The following SLC25A26 variants were observed in gnomAD, a reference collection of about 807,000 sequenced individuals.
SLC25A26 encodes the protein solute carrier family 25 member 26.
In SLC25A26, 36 loss-of-function variants were observed where a neutral mutation model predicts 37.8. The ratio of observed to expected loss-of-function variants is 0.95; its 90% CI spans 0.73 to 1.26. The LOEUF is 1.26. Among genes scored for constraint, SLC25A26 ranks in the 50% most tolerant of loss-of-function variants. The pLI is 0.00. For missense variants in SLC25A26, 390 were observed against 331.1 expected (o/e 1.18, Z -1.38); for synonymous variants, 129 against 122.5 (o/e 1.05, Z -0.35).
At chr3:66,261,942 C>G (rs1381932578) in intron 3 of SLC25A26, 109 bp from the exon 4 acceptor site, 3 of 641,850 alleles carry the variant, frequency 4.7e-6, no homozygotes, top group Admixed American at 6.1e-5. Context: ...TGACATCTTG[C>G]AGTAAGCCTA....
At chr3:66,216,214 AT>A (rs1409061130), upstream of SLC25A26, among the ~76,000 whole-genome samples, 2 of 152,138 alleles carry the variant, frequency 1.3e-5, no homozygotes, top group Non-Finnish European at 2.9e-5. Flanking sequence ...ATACTATCGT[AT>A]TTTTCAATAA....
At chr3:66,346,691 C>T (rs367944068) in intron 6 of SLC25A26, among the ~76,000 whole-genome samples, 2 of 148,690 alleles carry the variant, frequency 1.3e-5, no homozygotes, top group Non-Finnish European at 1.5e-5. Flanking sequence ...CTTTCTCCAC[C>T]GTTAAATTTC....
chr3:66,347,049 G>C (rs571424125), intron 6 of SLC25A26, among the ~76,000 whole-genome samples: 1 of 152,190 alleles, frequency 6.6e-6, no homozygotes, highest in East Asian at 1.9e-4. Context: ...TAACCATTAA[G>C]GACATGGACA....
chr3:66,271,675 C>A (rs536674508), intron 5 of SLC25A26, among the ~76,000 whole-genome samples: 1 of 152,082 alleles, frequency 6.6e-6, no homozygotes, highest in African/African-American at 2.4e-5. Context: ...TACTGAGTCA[C>A]CCCATAGGAT....
At chr3:66,280,555 G>A (rs1375639363) in intron 5 of SLC25A26, among the ~76,000 whole-genome samples, 1 of 152,096 alleles carries the variant, frequency 6.6e-6, no homozygotes, top group East Asian at 1.9e-4. Context: ...GGCAGAGTTG[G>A]TCTCTGAATT....
chr3:66,289,926 G>A (rs947659525), intron 5 of SLC25A26, among the ~76,000 whole-genome samples: 2 of 152,128 alleles, frequency 1.3e-5, no homozygotes, highest in Non-Finnish European at 2.9e-5. Context: ...CCATTTTCAC[G>A]TTAATGATTC....
intron 6 of SLC25A26, among the ~76,000 whole-genome samples, chr3:66,361,103 A>G (rs917164753): frequency 6.6e-6 from 1 of 152,242 alleles, no homozygotes. Flanking sequence ...ATATGTGGAC[A>G]ATTGATTTTT....
intron 5 of SLC25A26, among the ~76,000 whole-genome samples, chr3:66,275,648 C>G (rs2074116081): frequency 6.6e-6 from 1 of 152,184 alleles, no homozygotes; most frequent in Non-Finnish European, 1.5e-5. Context: ...ATGGAGTTCT[C>G]ACTAAATTCC....
intron 3 of SLC25A26, among the ~76,000 whole-genome samples, chr3:66,250,640 C>CGTTTTCAACTTGAAAT (rs1553671649): frequency 9.3e-4 from 47 of 50,754 alleles, no homozygotes; most frequent in African/African-American, 5.9e-3. Context: ...GTATCACATG[C>CGTTTTCAACTTGAAAT]GTTTTCAACT....
intron 3 of SLC25A26, among the ~76,000 whole-genome samples, chr3:66,255,087 A>C (rs1452716426): frequency 6.6e-6 from 1 of 152,154 alleles, no homozygotes; most frequent in Non-Finnish European, 1.5e-5. Flanking sequence ...GCCGAAGTTC[A>C]CTGGAATTTT....
At chr3:66,330,765 A>G (rs2075956078) in intron 5 of SLC25A26, among the ~76,000 whole-genome samples, 1 of 152,100 alleles carries the variant, frequency 6.6e-6, no homozygotes, top group Admixed American at 6.5e-5. Context: ...GATTCTGTCT[A>G]TAAATTTTTT....
At chr3:66,338,836 C>G (rs1318066996) in intron 5 of SLC25A26, among the ~76,000 whole-genome samples, 1 of 151,922 alleles carries the variant, frequency 6.6e-6, no homozygotes, top group Non-Finnish European at 1.5e-5. Flanking sequence ...ATTAGTTGTT[C>G]TTTTATGTCT....
At chr3:66,208,666 A>ATATATATATATATACACATTTATATGGG (rs1576638651) in intron 1 of SLC25A26, among the ~76,000 whole-genome samples, 2 of 33,982 alleles carry the variant, frequency 5.9e-5, no homozygotes, top group African/African-American at 1.2e-4. Flanking sequence ...ATATGGGTAT[A>ATATATATATATATACACATTTATATGGG]TATATATATA....
rs548929807 is a variant in SLC25A26, at chr3:66,156,170, G to A, written c.-354+22186G>A. 1.7e-3 allele frequency among the ~76,000 whole-genome samples: 262 copies of A among 152,168 alleles called. 5 individuals carry two copies. The highest frequency in any genetic ancestry group is 6.9e-4 in the Non-Finnish European group (47 of 68,000). On this transcript the variant is annotated intron_variant, in intron 1 of 10. Transcript: ENST00000676754. Reference sequence around the variant, plus strand: ...GACTGAGAGGTGATCATTGGCAAAAGCCCATCAACAGCAAGGGCACAGTGC... The same window carrying A: ...GACTGAGAGGTGATCATTGGCAAAAACCCATCAACAGCAAGGGCACAGTGC...
At chr3:66,174,775 G>GTCTCAAAAAGC (rs2070552203) in intron 1 of SLC25A26, among the ~76,000 whole-genome samples, 1 of 145,328 alleles carries the variant, frequency 6.9e-6, no homozygotes, top group African/African-American at 2.6e-5. Flanking sequence ...TACAAAGCAA[G>GTCTCAAAAAGC]ACTCCGAGAC....
intron 5 of SLC25A26, among the ~76,000 whole-genome samples, chr3:66,292,122 C>T (rs958529113): frequency 2.0e-5 from 3 of 152,000 alleles, no homozygotes; most frequent in East Asian, 1.9e-4. Context: ...GGATTGCAAC[C>T]GCTGATTTTT....
chr3:66,200,020 A>G (rs1228794743), intron 1 of SLC25A26, among the ~76,000 whole-genome samples: 1 of 152,222 alleles, frequency 6.6e-6, no homozygotes, highest in Non-Finnish European at 1.5e-5. Context: ...AGAATTATGG[A>G]CATTTACCAA....
intron 3 of SLC25A26, among the ~76,000 whole-genome samples, chr3:66,247,987 T>G (rs1232770456): frequency 6.6e-6 from 1 of 152,192 alleles, no homozygotes; most frequent in Non-Finnish European, 1.5e-5. Flanking sequence ...ACCTAGAGAT[T>G]ATAAGAAATA....
At chr3:66,301,103 G>A (rs896276525) in intron 5 of SLC25A26, among the ~76,000 whole-genome samples, 1 of 152,134 alleles carries the variant, frequency 6.6e-6, no homozygotes, top group East Asian at 1.9e-4. Context: ...TTCTGAAATG[G>A]AAGATAGGGT....
Sources: gnomAD v4.1 joint callset for allele counts (sites outside exome capture counted in the v4.1 genomes callset) on GRCh38, gnomAD v4.1.1 for gene constraint, MANE v1.5 for transcripts, NCBI Gene and HGNC (gene_info 2026-07-23, HGNC 2026-07-21) for gene names.